Variants in DLGAP2 observed in about 807,000 individuals in gnomAD.
DLGAP2 encodes the protein DLG associated protein 2, also known as disks large-associated protein 2.
DLGAP2 carries 26 observed loss-of-function variants against 100.3 expected under a neutral mutation model. The observed-to-expected ratio is 0.26, with a 90% CI of 0.19 to 0.36. The LOEUF (loss-of-function observed/expected upper bound fraction) is 0.36. Ranked by LOEUF, DLGAP2 falls within the 10% of genes least tolerant of loss-of-function variation. The pLI, the probability that DLGAP2 is intolerant of heterozygous loss-of-function variation, is 1.00. For synonymous variants in DLGAP2, 886 were observed against 630.1 expected, an observed-to-expected ratio of 1.41 and a Z score of -6.08; for missense variants, 1,858 against 1,453.2, an observed-to-expected ratio of 1.28 and a Z score of -4.53.
rs5888845 is a variant in DLGAP2, at chr8:1,565,304, CTT to C, written c.1231-368_1231-367del. 3.5e-3 allele frequency among the ~76,000 whole-genome samples: 513 copies of C among 147,826 alleles called. 5 individuals carry two copies. Among genetic ancestry groups the C allele is most frequent in the Middle Eastern group, 0.017 (5 of 288 alleles). ...AGATAGGCATTTTCTCCCTTGTTTTCTTTTTTTTTTTTCCTTTTCTTCTCTGT... is the reference window on the plus strand; with the variant it reads ...AGATAGGCATTTTCTCCCTTGTTTTCTTTTTTTTTTCCTTTTCTTCTCTGT... On this transcript the variant is annotated intron_variant, in intron 5 of 14. Coordinates refer to ENST00000637795, the MANE Select transcript of DLGAP2 (RefSeq NM_001346810.2).
intron 2 of DLGAP2, among the ~76,000 whole-genome samples, chr8:982,125 T>C (rs1486237729): frequency 6.6e-6 from 1 of 152,248 alleles, no homozygotes; most frequent in Non-Finnish European, 1.5e-5. Flanking sequence ...GGCCTGGCTC[T>C]GGTGCCTTCC....
At chr8:1,448,748 C>A (rs907687218) in intron 3 of DLGAP2, among the ~76,000 whole-genome samples, 1 of 152,204 alleles carries the variant, frequency 6.6e-6, no homozygotes, top group Non-Finnish European at 1.5e-5. Context: ...GGAGACCCAA[C>A]ATTTTTGTTC....
At chr8:1,107,122 G>A (rs997039529) in intron 2 of DLGAP2, among the ~76,000 whole-genome samples, 3 of 152,154 alleles carry the variant, frequency 2.0e-5, no homozygotes, top group Admixed American at 6.5e-5. Flanking sequence ...TATCACACAC[G>A]CATCAAAATA....
At chr8:1,283,042 C>G (rs202191620) in intron 3 of DLGAP2, among the ~76,000 whole-genome samples, 1 of 142,602 alleles carries the variant, frequency 7.0e-6, no homozygotes, top group East Asian at 2.2e-4. Flanking sequence ...CGTGAACCAT[C>G]TGGACATGGT....
chr8:1,000,902 G>C (rs1800936647), intron 2 of DLGAP2, among the ~76,000 whole-genome samples: 1 of 152,084 alleles, frequency 6.6e-6, no homozygotes, highest in African/African-American at 2.4e-5. Context: ...GCTGATTCTT[G>C]GTTCCATGCG....
intron 2 of DLGAP2, among the ~76,000 whole-genome samples, chr8:1,060,656 A>G (rs1314593481): frequency 6.6e-6 from 1 of 152,224 alleles, no homozygotes; most frequent in Non-Finnish European, 1.5e-5. Context: ...TGAAGATCCC[A>G]GTGGCCCTAC....
At chr8:1,153,730 C>T (rs1796734659) in intron 2 of DLGAP2, among the ~76,000 whole-genome samples, 1 of 152,120 alleles carries the variant, frequency 6.6e-6, no homozygotes, top group Non-Finnish European at 1.5e-5. Flanking sequence ...ATTTTAATGT[C>T]ATTAGCTCTG....
intron 2 of DLGAP2, among the ~76,000 whole-genome samples, chr8:1,194,146 C>G (rs781367184): frequency 1.3e-5 from 2 of 152,074 alleles, no homozygotes; most frequent in Non-Finnish European, 2.9e-5. Context: ...GACACAGTCC[C>G]TACCCTTGAG....
At chr8:950,873 C>T (rs565332816) in intron 2 of DLGAP2, among the ~76,000 whole-genome samples, 1 of 152,162 alleles carries the variant, frequency 6.6e-6, no homozygotes, top group South Asian at 2.1e-4. Context: ...GTCCACCCGC[C>T]TCAACTTCCC....
chr8:1,419,201 CGTGCGTGTGTGTGT>C (rs1210803420), intron 3 of DLGAP2, among the ~76,000 whole-genome samples: 20 of 133,440 alleles, frequency 1.5e-4, no homozygotes, highest in East Asian at 4.0e-4. Flanking sequence ...CACTCTGATG[CGTGCGTGTGTGTGT>C]GTGTGTGTGT....
intron 3 of DLGAP2, among the ~76,000 whole-genome samples, chr8:1,328,707 C>G (rs1036611193): frequency 6.6e-6 from 1 of 152,082 alleles, no homozygotes; most frequent in Non-Finnish European, 1.5e-5. Flanking sequence ...TTTAAAAACT[C>G]GTAGTAAAGA....
At chr8:1,157,554 G>T (rs1470514483) in intron 2 of DLGAP2, among the ~76,000 whole-genome samples, 1 of 152,188 alleles carries the variant, frequency 6.6e-6, no homozygotes, top group Non-Finnish European at 1.5e-5. Context: ...ATCAGGCTGT[G>T]CTCTGTGTCC....
intron 4 of DLGAP2, among the ~76,000 whole-genome samples, chr8:1,513,942 A>C (rs187110949): frequency 1.6e-4 from 24 of 152,264 alleles, no homozygotes; most frequent in African/African-American, 5.3e-4. Context: ...CCTGCTGCCT[A>C]CGCAATGTGA....
intron 2 of DLGAP2, among the ~76,000 whole-genome samples, chr8:1,024,957 C>T (rs1391290252): frequency 6.6e-6 from 1 of 152,178 alleles, no homozygotes. Context: ...TGGTGTGGGT[C>T]TCTCCCTTTC....
At chr8:1,496,895 C>G (rs576085539) in intron 3 of DLGAP2, among the ~76,000 whole-genome samples, 1 of 152,164 alleles carries the variant, frequency 6.6e-6, no homozygotes, top group Non-Finnish European at 1.5e-5. Context: ...AATAGCCAGA[C>G]GACCTTGCTA....
chr8:926,352 C>A (rs947191337), intron 2 of DLGAP2, among the ~76,000 whole-genome samples: 1 of 152,192 alleles, frequency 6.6e-6, no homozygotes, highest in Non-Finnish European at 1.5e-5. Flanking sequence ...TTGGCCACCC[C>A]CCTCACACCT....
rs145093203 is a variant in DLGAP2 at position 1,472,569 on chromosome 8, C to T, written c.107-28797C>T. ...CGGGCCCGAGTGCCAGCAGTGGAGA[C>T]GCTGAGGTCAGATTGAGGAGGATGG... On this transcript the variant is annotated intron_variant, in intron 3 of 14. Coordinates refer to ENST00000637795, the MANE Select transcript of DLGAP2 (RefSeq NM_001346810.2). Among the ~76,000 whole-genome samples, 369 of 152,142 alleles carry T rather than the reference C, an allele frequency of 2.4e-3. 1 individual carries two copies. Among genetic ancestry groups the T allele is most frequent in the Middle Eastern group, 0.01 (3 of 294 alleles).
At chr8:1,327,279 G>A (rs1047190102) in intron 3 of DLGAP2, among the ~76,000 whole-genome samples, 1 of 152,232 alleles carries the variant, frequency 6.6e-6, no homozygotes, top group Non-Finnish European at 1.5e-5. Context: ...GATGTGATGG[G>A]CCCACCCTCC....
chr8:947,858 G>A (rs1462471998), intron 2 of DLGAP2, among the ~76,000 whole-genome samples: 3 of 150,286 alleles, frequency 2.0e-5, no homozygotes, highest in East Asian at 2.0e-4. Flanking sequence ...GCCCATGTGT[G>A]CCATGGCTCC....
Sources: allele counts gnomAD v4.1 joint callset (sites outside exome capture counted in the v4.1 genomes callset), GRCh38; gene constraint gnomAD v4.1.1; transcripts MANE v1.5; gene names NCBI Gene and HGNC (gene_info 2026-07-23, HGNC 2026-07-21).